CCSER1: variants seen among roughly 807,000 people sequenced by gnomAD.
CCSER1 encodes the protein coiled-coil serine rich protein 1.
In CCSER1, 41 loss-of-function variants were observed where a neutral mutation model predicts 82.0. That is an observed-to-expected ratio of 0.50 (90% CI 0.39 to 0.65). The LOEUF (loss-of-function observed/expected upper bound fraction) is 0.65. Among genes scored for constraint, CCSER1 ranks in the 30% least tolerant of loss-of-function variants. The probability of loss-of-function intolerance (pLI) is 0.00; values close to 1 mark genes in which losing one functional copy is unlikely to be tolerated. For synonymous variants in CCSER1, 414 were observed against 383.9 expected, an observed-to-expected ratio of 1.08 and a Z score of -0.92; for missense variants, 1,119 against 1,064.2, an observed-to-expected ratio of 1.05 and a Z score of -0.72.
At chr4:90,693,080 A>G (rs1235538693) in intron 6 of CCSER1, among the ~76,000 whole-genome samples, 2 of 151,946 alleles carry the variant, frequency 1.3e-5, no homozygotes, top group Non-Finnish European at 2.9e-5. Context: ...GATGAGGTTA[A>G]GGGTAAGGAT....
At chr4:90,334,875 C>T (rs1405216962) in intron 3 of CCSER1, among the ~76,000 whole-genome samples, 2 of 152,042 alleles carry the variant, frequency 1.3e-5, no homozygotes, top group African/African-American at 4.8e-5. Context: ...GTCACACAGC[C>T]CAATTTATGA....
chr4:91,300,840 G>A (rs1359614554), intron 10 of CCSER1, among the ~76,000 whole-genome samples: 1 of 151,796 alleles, frequency 6.6e-6, no homozygotes, highest in Non-Finnish European at 1.5e-5. Flanking sequence ...TTAGCATTAA[G>A]CCTCTTTGAT....
intron 10 of CCSER1, among the ~76,000 whole-genome samples, chr4:91,308,586 T>C (rs1190247104): frequency 8.1e-6 from 1 of 123,950 alleles, no homozygotes; most frequent in Non-Finnish European, 1.7e-5. Flanking sequence ...TTTAACAACT[T>C]ATTTGCTCAG....
intron 9 of CCSER1, among the ~76,000 whole-genome samples, chr4:91,033,554 G>A (rs1741169587): frequency 6.6e-6 from 1 of 152,094 alleles, no homozygotes; most frequent in East Asian, 1.9e-4. Flanking sequence ...AGATTGTAAA[G>A]GATGGACCTC....
chr4:90,257,605 GGA>G (rs1723575447), intron 1 of CCSER1, among the ~76,000 whole-genome samples: 1 of 151,812 alleles, frequency 6.6e-6, no homozygotes, highest in Admixed American at 6.6e-5. Context: ...AGATAAAGAA[GGA>G]GAGAGATTTA....
chr4:90,400,318 T>A (rs1360432306), intron 4 of CCSER1, among the ~76,000 whole-genome samples, 189 bp downstream of exon 4: 1 of 152,134 alleles, frequency 6.6e-6, no homozygotes, highest in Non-Finnish European at 1.5e-5. Context: ...TAAAGCCTTT[T>A]ATGGAAATAT....
At chr4:91,397,337 T>C (rs925650711) in intron 10 of CCSER1, among the ~76,000 whole-genome samples, 2 of 152,012 alleles carry the variant, frequency 1.3e-5, no homozygotes, top group Non-Finnish European at 1.5e-5. Context: ...ATACATTCCA[T>C]AATAAATGGA....
intron 9 of CCSER1, among the ~76,000 whole-genome samples, chr4:90,970,653 A>C (rs1477857436): frequency 6.6e-6 from 1 of 151,988 alleles, no homozygotes; most frequent in Non-Finnish European, 1.5e-5. Flanking sequence ...TCTCAAGCAC[A>C]CCTATGACAT....
rs181760069 is a variant in CCSER1 at position 91,195,859 on chromosome 4, C to T, written c.2217+109865C>T. On this transcript the variant is annotated intron_variant, in intron 10 of 10. Transcript: ENST00000509176. Reference sequence around the variant, plus strand: ...CTTTTTTTCTTACTCTGCAGTGATTCACACCGTTCCCTTTCTTACAACTCT... The same window carrying T: ...CTTTTTTTCTTACTCTGCAGTGATTTACACCGTTCCCTTTCTTACAACTCT... 3.3e-5 allele frequency among the ~76,000 whole-genome samples: 5 copies of T among 152,136 alleles called. No homozygotes were observed. In the East Asian group the frequency reaches 9.7e-4, roughly 30 times the overall value.
At chr4:90,518,925 G>T (rs1772672802) in intron 5 of CCSER1, among the ~76,000 whole-genome samples, 1 of 151,800 alleles carries the variant, frequency 6.6e-6, no homozygotes, top group East Asian at 1.9e-4. Flanking sequence ...TTGTGTAGCA[G>T]ACAGTATTTG....
At chr4:90,515,703 C>A (rs961404845) in intron 5 of CCSER1, among the ~76,000 whole-genome samples, 17 of 152,202 alleles carry the variant, frequency 1.1e-4, no homozygotes, top group African/African-American at 3.9e-4. Flanking sequence ...GTGATAGGTT[C>A]TATTATTATC....
intron 1 of CCSER1, among the ~76,000 whole-genome samples, chr4:90,227,765 G>A (rs530613621): frequency 8.5e-4 from 129 of 152,306 alleles, no homozygotes; most frequent in Admixed American, 4.6e-3. Flanking sequence ...ATGGGTGCGC[G>A]CACCATGCAC....
chr4:91,032,378 T>C (rs1253520136), intron 9 of CCSER1, among the ~76,000 whole-genome samples: 1 of 152,158 alleles, frequency 6.6e-6, no homozygotes, highest in Non-Finnish European at 1.5e-5. Context: ...AGCATTCTAG[T>C]AGTCTAGGAA....
chr4:90,805,549 A>G (rs1164149474), intron 7 of CCSER1, among the ~76,000 whole-genome samples: 2 of 152,342 alleles, frequency 1.3e-5, no homozygotes, highest in African/African-American at 4.8e-5. Flanking sequence ...TTGCAAGTCA[A>G]TAAGACTAGC....
At chr4:90,981,878 G>A (rs1736145997) in intron 9 of CCSER1, among the ~76,000 whole-genome samples, 1 of 150,964 alleles carries the variant, frequency 6.6e-6, no homozygotes, top group Non-Finnish European at 1.5e-5. Flanking sequence ...GAGAAGTAAA[G>A]CATTTTTTTC....
chr4:91,088,485 A>G (rs1363271515), intron 10 of CCSER1, among the ~76,000 whole-genome samples: 7 of 152,174 alleles, frequency 4.6e-5, no homozygotes, highest in Non-Finnish European at 1.0e-4. Flanking sequence ...TATGCTGTAT[A>G]AAAATATAAG....
intron 3 of CCSER1, among the ~76,000 whole-genome samples, chr4:90,368,980 A>G (rs146025176): frequency 0.011 from 1,715 of 152,082 alleles, 35 homozygotes; most frequent in African/African-American, 0.04. Context: ...TTAAGCTCTA[A>G]AATAAATTAG....
chr4:90,824,818 G>A (rs868780838), intron 8 of CCSER1, among the ~76,000 whole-genome samples: 13 of 152,166 alleles, frequency 8.5e-5, no homozygotes, highest in South Asian at 2.1e-4. Flanking sequence ...GAAACATTAC[G>A]AACAGAAAAG....
chr4:90,274,572 T>A (rs1727193779), intron 1 of CCSER1, among the ~76,000 whole-genome samples: 1 of 152,122 alleles, frequency 6.6e-6, no homozygotes, highest in Non-Finnish European at 1.5e-5. Flanking sequence ...TGGGTATGAA[T>A]AAGAGGAGCA....
Sources: allele counts gnomAD v4.1 joint callset (sites outside exome capture counted in the v4.1 genomes callset), GRCh38; gene constraint gnomAD v4.1.1; transcripts MANE v1.5; gene names NCBI Gene and HGNC (gene_info 2026-07-23, HGNC 2026-07-21).